SPTB: variants seen among roughly 807,000 people sequenced by gnomAD.
SPTB encodes the protein spectrin beta chain, erythrocytic.
SPTB carries 45 observed loss-of-function variants against 256.2 expected under a neutral mutation model. That is an observed-to-expected ratio of 0.18 (90% CI 0.14 to 0.23). The LOEUF (loss-of-function observed/expected upper bound fraction) is 0.23, where lower values mean the gene tolerates loss of function less well. Ranked by LOEUF, SPTB falls within the 10% of genes least tolerant of loss-of-function variation. The pLI is 1.00. For missense variants in SPTB, 2,715 were observed against 3,040.4 expected, an observed-to-expected ratio of 0.89 and a Z score of 2.52; for synonymous variants, 1,231 against 1,243.1, an observed-to-expected ratio of 0.99 and a Z score of 0.21.
In SPTB at chr14:64,769,102, T is replaced by C. The variant is rs2082237854; in HGVS notation, c.5954A>G (p.Gln1985Arg). 1 of 1,613,780 alleles carries C rather than the reference T, an allele frequency of 6.2e-7. No individual in the cohort carries two copies. The highest frequency in any genetic ancestry group is 8.5e-7 in the Non-Finnish European group (1 of 1,180,018). The change falls in exon 29 of 36, where the codon CAG (glutamine) becomes CGG (arginine). Residue 1985 changes from glutamine to arginine, a missense_variant. By Grantham distance (43) the Gln-to-Arg change is conservative. Around this residue, in one of 4 missense-constraint regions of SPTB, gnomAD observed 2,239 missense variants for 2,384.4 expected, o/e 0.94. Coordinates refer to ENST00000644917, the MANE Select transcript of SPTB (RefSeq NM_001355436.2). ...QASEEIREKLQQVMSRRKEMN... is the reference protein window; with the variant it reads ...QASEEIREKLRQVMSRRKEMN... ...CTCTTTCCTCCTGGACATCACCTGC[T>C]GCAGTTTCTCGCGGATCTATGGGGA...
At chr14:64,876,415 G>A (rs373513013) in intron 1 of SPTB, among the ~76,000 whole-genome samples, 2 of 152,052 alleles carry the variant, frequency 1.3e-5, no homozygotes, top group African/African-American at 4.8e-5. Flanking sequence ...TCTCCCACTG[G>A]TCATGTTTCC....
chr14:64,846,351 T>A (rs1566799978), intron 1 of SPTB, among the ~76,000 whole-genome samples: 1 of 152,194 alleles, frequency 6.6e-6, no homozygotes, highest in Non-Finnish European at 1.5e-5. Flanking sequence ...TTATATAGGC[T>A]GCATATACAA....
Position 64,749,332 on chromosome 14 carries a change from A to G in SPTB, c.6961T>C (p.Phe2321Leu), listed in dbSNP as rs2139415149. The G allele has an allele frequency of 6.2e-7, 1 of 1,609,036 alleles. No homozygotes were observed. The highest frequency in any genetic ancestry group is 1.7e-4 in the Middle Eastern group (1 of 6,058). The change falls in exon 36 of 36, where the codon TTC (phenylalanine) becomes CTC (leucine). Residue 2321 changes from phenylalanine (F) to leucine (L), a missense_variant. Phe to Leu is a conservative substitution (Grantham distance 22, BLOSUM62 0). Around this residue, in one of 4 missense-constraint regions of SPTB, gnomAD observed 2,239 missense variants for 2,384.4 expected, o/e 0.94. Coordinates refer to ENST00000644917, the MANE Select transcript of SPTB (RefSeq NM_001355436.2). This position sits in a 1 kb window ranked among gnomAD's most constrained non-coding sequence, Gnocchi z 4.7. The part of the protein sequence containing the change: ...SLGKKDKEKR[F>L]SFFPKKK The stretch of plus-strand genomic sequence containing the variant: ...TACTTCTTTTTGGGGAAGAAGCTGA[A>G]TCTCTTCTCCTTGTCTTTCTTGCCG...
chr14:64,753,708 T>C lies in SPTB; in HGVS notation c.6431A>G (p.Asp2144Gly). ...QHKDGQKSTG[D>G]ERPTTEPLFK... ...GAGGGGCTCCGTGGTGGGCCTCTCA[T>C]CCCCAGTGGATTTCTGCCCATCCTT... Residue 2144 changes from aspartate to glycine, a missense_variant, in exon 33 of 36, where the codon GAT becomes GGT. Coordinates refer to ENST00000644917, the MANE Select transcript of SPTB (RefSeq NM_001355436.2). 1.9e-6 allele frequency: 3 copies of C among 1,613,734 alleles called. No individual in the cohort carries two copies. The highest frequency in any genetic ancestry group is 2.5e-6 in the Non-Finnish European group (3 of 1,180,004).
chr14:64,803,923 T>C (rs931403347), intron 3 of SPTB, 143 bp from the exon 4 acceptor site: 2 of 843,046 alleles, frequency 2.4e-6, no homozygotes, highest in Non-Finnish European at 3.6e-6. Flanking sequence ...TCATTGACAC[T>C]ATTCAATGCT....
At chr14:64,751,789 T>C (rs2081953075) in intron 33 of SPTB, among the ~76,000 whole-genome samples, 1 of 151,954 alleles carries the variant, frequency 6.6e-6, no homozygotes, top group Non-Finnish European at 1.5e-5. Flanking sequence ...ATTTTACAAA[T>C]AGGGCTCATG....
chr14:64,835,632 G>A (rs953063158), intron 1 of SPTB, among the ~76,000 whole-genome samples: 6 of 152,162 alleles, frequency 3.9e-5, no homozygotes, highest in Non-Finnish European at 8.8e-5. Context: ...CCTGTGCTGG[G>A]CTCTGCTGAC....
intron 1 of SPTB, among the ~76,000 whole-genome samples, chr14:64,870,560 T>C (rs1882469194): frequency 6.6e-6 from 1 of 152,196 alleles, no homozygotes; most frequent in Non-Finnish European, 1.5e-5. Context: ...CACTAATAAA[T>C]GAACAAATTC....
chr14:64,781,711 C>G lies in SPTB; in HGVS notation c.4266+579G>C, dbSNP rs112914560. On this transcript the variant is annotated intron_variant, in intron 20 of 35. Coordinates refer to ENST00000644917, the MANE Select transcript of SPTB (RefSeq NM_001355436.2). ...ACTATTTGACCCAGCAATCCCATTACTGGGTATACCCAGAGGAATATAAAA... is the reference window on the plus strand; with the variant it reads ...ACTATTTGACCCAGCAATCCCATTAGTGGGTATACCCAGAGGAATATAAAA... 8.6e-3 allele frequency among the ~76,000 whole-genome samples: 1,310 copies of G among 152,332 alleles called. 11 individuals carry two copies. Among genetic ancestry groups the G allele is most frequent in the African/African-American group, 0.028 (1,171 of 41,562 alleles).
intron 2 of SPTB, among the ~76,000 whole-genome samples, chr14:64,809,358 T>C (rs578040678): frequency 6.6e-6 from 1 of 152,008 alleles, no homozygotes; most frequent in African/African-American, 2.4e-5. Context: ...TTTATTTGTT[T>C]ATTTTGAGAT....
At chr14:64,805,949 C>T (rs2139646118) in intron 2 of SPTB, among the ~76,000 whole-genome samples, 1 of 152,176 alleles carries the variant, frequency 6.6e-6, no homozygotes. Context: ...GACATGACAC[C>T]CCTATCCTAA....
rs1360020911 is a variant in SPTB, at chr14:64,760,113, A to G, written c.6346-6320T>C. 1.3e-5 allele frequency among the ~76,000 whole-genome samples: 2 copies of G among 152,090 alleles called. No individual in the cohort carries two copies. The highest frequency in any genetic ancestry group is 2.9e-5 in the Non-Finnish European group (2 of 68,022). ...GGATTGTAGTCAAACCAACAGGGAG[A>G]GGCCACAGGCTCCCAATGGGTGCGG... On this transcript the variant is annotated intron_variant, in intron 32 of 35. Coordinates refer to ENST00000644917, the MANE Select transcript of SPTB (RefSeq NM_001355436.2). The surrounding 1 kb of genome is among the most constrained non-coding windows in gnomAD (Gnocchi z 4.3).
At chr14:64,867,627 G>A (rs994784776) in intron 1 of SPTB, among the ~76,000 whole-genome samples, 1 of 152,268 alleles carries the variant, frequency 6.6e-6, no homozygotes. Flanking sequence ...ACCGAGGCGG[G>A]CACATCACCT....
chr14:64,839,330 G>T (rs2083571175), intron 1 of SPTB, among the ~76,000 whole-genome samples: 1 of 152,180 alleles, frequency 6.6e-6, no homozygotes, highest in African/African-American at 2.4e-5. Flanking sequence ...GACTCAACAG[G>T]CTGCTCACTG....
intron 1 of SPTB, among the ~76,000 whole-genome samples, chr14:64,860,890 A>G (rs1417501841): frequency 2.0e-5 from 3 of 152,220 alleles, no homozygotes; most frequent in South Asian, 2.1e-4. Flanking sequence ...AGGAATATAA[A>G]TCATTCCTCT....
intron 24 of SPTB, among the ~76,000 whole-genome samples, chr14:64,773,712 C>G (rs568878439): frequency 1.3e-5 from 2 of 152,336 alleles, no homozygotes; most frequent in African/African-American, 4.8e-5. Context: ...ATGGGGAACG[C>G]CTCCATTGTT....
chr14:64,786,546 C>T lies in SPTB; in HGVS notation c.3419G>A (p.Gly1140Asp). The change falls in exon 16 of 36, where the codon GGC (glycine) becomes GAC (aspartate). Residue 1140 changes from glycine (G) to aspartate (D), a missense_variant. Around this residue, in one of 4 missense-constraint regions of SPTB, gnomAD observed 2,239 missense variants for 2,384.4 expected, o/e 0.94. Transcript: ENST00000644917. This position sits in a 1 kb window ranked among gnomAD's most constrained non-coding sequence, Gnocchi z 5.6. ...GQTDPEYLLLGQRLEGLDTGW... is the reference protein window; with the variant it reads ...GQTDPEYLLLDQRLEGLDTGW... Reference sequence around the variant, plus strand: ...AGTATCCAGGCCCTCCAGCCGCTGGCCCAGAAGCAGATACTCTGGGTCCGT... The same window carrying T: ...AGTATCCAGGCCCTCCAGCCGCTGGTCCAGAAGCAGATACTCTGGGTCCGT... The T allele has an allele frequency of 1.9e-6, 3 of 1,614,168 alleles. No homozygotes were observed. Among genetic ancestry groups the T allele is most frequent in the Non-Finnish European group, 2.5e-6 (3 of 1,180,040 alleles).
chr14:64,770,935 G>A lies in SPTB; in HGVS notation c.5748C>T (p.Leu1916=), dbSNP rs544216127. 1.4e-4 allele frequency: 230 copies of A among 1,614,150 alleles called. No homozygotes were observed. Among genetic ancestry groups the A allele is most frequent in the Middle Eastern group, 4.9e-4 (3 of 6,062 alleles). The change falls in exon 27 of 36, where the codon CTC becomes CTT. Residue 1916 remains leucine, a synonymous_variant. Coordinates refer to ENST00000644917, the MANE Select transcript of SPTB (RefSeq NM_001355436.2). Reference sequence around the variant, plus strand: ...GCCGGATGATGCTCTCCATCCAGGAGAGGAGGTCACGGGCCATGCTGAAGA... The same window carrying A: ...GCCGGATGATGCTCTCCATCCAGGAAAGGAGGTCACGGGCCATGCTGAAGA... ...FRFFSMARDL[L]SWMESIIRQI... is the part of the protein sequence containing the mutation.
chr14:64,767,488 C>A, intron 30 of SPTB, 136 bp from the exon 31 acceptor site: 1 of 1,426,918 alleles, frequency 7.0e-7, no homozygotes, highest in African/African-American at 1.4e-5. Flanking sequence ...CCCTTCTGTC[C>A]TTTGCATTCG....
Sources: gnomAD v4.1 joint callset for allele counts (sites outside exome capture counted in the v4.1 genomes callset) on GRCh38, gnomAD v4.1.1 for gene constraint, gnomAD v4.1.1 regional missense constraint, Gnocchi (gnomAD v3.1) non-coding constraint, MANE v1.5 for transcripts, NCBI Gene and HGNC (gene_info 2026-07-23, HGNC 2026-07-21) for gene names.